Variants in CALN1 observed in about 807,000 individuals in gnomAD.
The protein encoded by CALN1 is calcium-binding protein 8.
In CALN1, 17 loss-of-function variants were observed where a neutral mutation model predicts 30.6. That is an observed-to-expected ratio of 0.56 (90% CI 0.38 to 0.83). The LOEUF is 0.83. Ranked by LOEUF, CALN1 falls within the 40% of genes least tolerant of loss-of-function variation. The pLI, the probability that CALN1 is intolerant of heterozygous loss-of-function variation, is 0.00. For synonymous variants in CALN1, 156 were observed against 131.4 expected, an observed-to-expected ratio of 1.19 and a Z score of -1.28; for missense variants, 291 against 354.9, an observed-to-expected ratio of 0.82 and a Z score of 1.45.
chr7:72,231,229 C>T (rs1794077462), intron 3 of CALN1, among the ~76,000 whole-genome samples: 1 of 151,840 alleles, frequency 6.6e-6, no homozygotes, highest in African/African-American at 2.4e-5. Context: ...CAACCCACCA[C>T]TTAGGTATTA....
intron 6 of CALN1, among the ~76,000 whole-genome samples, chr7:71,804,996 G>A (rs1280820215): frequency 6.6e-6 from 1 of 152,154 alleles, no homozygotes; most frequent in African/African-American, 2.4e-5. Flanking sequence ...GGATGCTGAT[G>A]GCATTTTCAA....
upstream of CALN1, among the ~76,000 whole-genome samples, chr7:72,449,874 CAAAAAAAAAAAAAAAA>C (rs71069071): frequency 2.5e-4 from 13 of 52,372 alleles, no homozygotes; most frequent in Non-Finnish European, 5.0e-4. Flanking sequence ...GACTCCGTCT[CAAAAAAAAAAAAAAAA>C]AAAAAAAAAA....
At chr7:72,471,345 G>GT in the CALN1 span, among the ~76,000 whole-genome samples, 1 of 152,172 alleles carries the variant, frequency 6.6e-6, no homozygotes, top group Non-Finnish European at 1.5e-5. Flanking sequence ...GAGAAGGCAG[G>GT]TGAAGGGCCT....
intron 5 of CALN1, among the ~76,000 whole-genome samples, chr7:71,921,331 C>T (rs1430789480): frequency 6.6e-6 from 1 of 152,158 alleles, no homozygotes; most frequent in Non-Finnish European, 1.5e-5. Context: ...GCATGTTCTG[C>T]ACATGTACCC....
chr7:71,827,775 A>AAATAAAT (rs1554347604), intron 5 of CALN1, among the ~76,000 whole-genome samples: 3,827 of 140,270 alleles, frequency 0.027, 202 homozygotes, highest in African/African-American at 0.098. Flanking sequence ...CCATCTTAAA[A>AAATAAAT]AAATAAATAA....
chr7:72,319,441 GA>G (rs1273003934), intron 2 of CALN1, among the ~76,000 whole-genome samples: 2 of 152,262 alleles, frequency 1.3e-5, no homozygotes, highest in African/African-American at 4.8e-5. Context: ...GAACAGCATG[GA>G]AAAGATTCAA....
chr7:72,207,955 G>A (rs1792013600), intron 3 of CALN1, among the ~76,000 whole-genome samples: 1 of 152,072 alleles, frequency 6.6e-6, no homozygotes, highest in Non-Finnish European at 1.5e-5. Context: ...CAAAATCTCT[G>A]TGAAACTCCA....
chr7:72,352,660 T>C (rs1802994898), intron 2 of CALN1, among the ~76,000 whole-genome samples: 1 of 152,002 alleles, frequency 6.6e-6, no homozygotes, highest in Admixed American at 6.6e-5. Flanking sequence ...ACAAGGAAAA[T>C]TATAGCTTAA....
intron 2 of CALN1, among the ~76,000 whole-genome samples, chr7:72,396,506 G>A (rs1183802964): frequency 1.3e-5 from 2 of 152,004 alleles, no homozygotes; most frequent in African/African-American, 4.8e-5. Context: ...AGACACTGGT[G>A]AATAGGACGG....
chr7:72,361,934 A>G (rs895414631), intron 2 of CALN1, among the ~76,000 whole-genome samples: 34 of 139,908 alleles, frequency 2.4e-4, no homozygotes, highest in Non-Finnish European at 5.2e-4. Flanking sequence ...TTTTAAGATC[A>G]TATGACACAT....
intron 3 of CALN1, among the ~76,000 whole-genome samples, chr7:72,208,984 ACTTC>A (rs141505967): frequency 0.26 from 35,036 of 134,192 alleles, 5,180 homozygotes; most frequent in East Asian, 0.67. Flanking sequence ...TCCTTTTCCT[ACTTC>A]CTTCCTTCCT....
chr7:72,072,854 T>C (rs1371967651), intron 4 of CALN1, among the ~76,000 whole-genome samples: 1 of 152,188 alleles, frequency 6.6e-6, no homozygotes, highest in African/African-American at 2.4e-5. Flanking sequence ...AACTTTAGTA[T>C]GTTAAATATA....
At chr7:71,978,289 T>TTTTTTTTTTTA (rs1798206768) in intron 5 of CALN1, among the ~76,000 whole-genome samples, 1 of 123,464 alleles carries the variant, frequency 8.1e-6, no homozygotes, top group East Asian at 2.3e-4. Flanking sequence ...TTTTTTTTTT[T>TTTTTTTTTTTA]GAGGGGGAGT....
rs188823664 is a variant in CALN1, at chr7:72,195,364, T to C, written c.244+83322A>G. Among the ~76,000 whole-genome samples the C allele has an allele frequency of 1.5e-4, 23 of 152,316 alleles. No homozygotes were observed. In the East Asian group the frequency reaches 3.3e-3, roughly 22 times the overall value. On this transcript the variant is annotated intron_variant, in intron 3 of 6. Transcript: ENST00000395275. ...TCCCACAGCTGGAAAATAAGTATTC[T>C]GATGTCAATTACAATCTCTCTCTTT...
chr7:72,056,789 A>C lies in CALN1; in HGVS notation c.389-33020T>G, dbSNP rs556726512. 3.9e-4 allele frequency among the ~76,000 whole-genome samples: 59 copies of C among 152,330 alleles called. 1 individual carries two copies. The highest frequency in any genetic ancestry group is 6.8e-3 in the Middle Eastern group (2 of 294). ...TTAAAAGATGAATACTAAAAGATAA[A>C]AACAGATAATCCACAAAAGACAAAC... is the stretch of plus-strand genomic sequence containing the variant. On this transcript the variant is annotated intron_variant, in intron 4 of 6. Coordinates refer to ENST00000395275, the MANE Select transcript of CALN1 (RefSeq NM_031468.4).
rs76885213 is a variant in CALN1 at position 72,389,220 on chromosome 7, A to C, written c.119+14031T>G. Among the ~76,000 whole-genome samples the C allele has an allele frequency of 9.0e-3, 1,374 of 152,252 alleles. 15 individuals are homozygous for C. Among genetic ancestry groups the C allele is most frequent in the Middle Eastern group, 0.027 (8 of 294 alleles). On this transcript the variant is annotated intron_variant, in intron 2 of 6. Coordinates refer to ENST00000395275, the MANE Select transcript of CALN1 (RefSeq NM_031468.4). Reference sequence around the variant, plus strand: ...TATTCACATCAAACACCCCCTGGGGACCAATCCCAGAGAGAAGGATGCAGG... The same window carrying C: ...TATTCACATCAAACACCCCCTGGGGCCCAATCCCAGAGAGAAGGATGCAGG...
At chr7:72,211,065 G>C (rs1298347706) in intron 3 of CALN1, among the ~76,000 whole-genome samples, 2 of 151,932 alleles carry the variant, frequency 1.3e-5, no homozygotes, top group Non-Finnish European at 2.9e-5. Context: ...AAAAAAATAA[G>C]TAAAATGAAC....
chr7:71,969,694 A>G (rs1456559845), intron 5 of CALN1, among the ~76,000 whole-genome samples: 6 of 152,222 alleles, frequency 3.9e-5, no homozygotes, highest in Non-Finnish European at 5.9e-5. Context: ...GGAGAAGAGA[A>G]AGAGAGACAG....
intron 4 of CALN1, among the ~76,000 whole-genome samples, chr7:72,029,232 T>C (rs1801284090): frequency 2.0e-5 from 3 of 151,982 alleles, no homozygotes. Context: ...GTTCACGCCA[T>C]TCTCCTGCCT....
Sources: gnomAD v4.1 joint callset for allele counts (sites outside exome capture counted in the v4.1 genomes callset) on GRCh38, gnomAD v4.1.1 for gene constraint, MANE v1.5 for transcripts, NCBI Gene and HGNC (gene_info 2026-07-23, HGNC 2026-07-21) for gene names.